OR3A2: variants seen among roughly 807,000 people sequenced by gnomAD.
OR3A2 encodes olfactory receptor family 3 subfamily A member 2, also known as olfactory receptor 3A2.
For synonymous variants in OR3A2, 126 were observed against 159.3 expected, an observed-to-expected ratio of 0.79 and a Z score of 1.57; for missense variants, 318 against 392.8, an observed-to-expected ratio of 0.81 and a Z score of 1.61.
intron 1 of OR3A2, among the ~76,000 whole-genome samples, chr17:3,280,333 G>C (rs1293923209): frequency 6.6e-6 from 1 of 151,012 alleles, no homozygotes; most frequent in Admixed American, 6.6e-5. Context: ...GTGCAGTGGC[G>C]CGATCTCGGC....
intron 2 of OR3A2, among the ~76,000 whole-genome samples, chr17:3,374,805 A>G (rs931809641): frequency 6.6e-6 from 1 of 152,174 alleles, no homozygotes; most frequent in African/African-American, 2.4e-5. Context: ...TGGTGCACTC[A>G]TCACTCAAAC....
At chr17:3,330,765 C>G (rs2049224962) in intron 3 of OR3A2, among the ~76,000 whole-genome samples, 2 of 151,264 alleles carry the variant, frequency 1.3e-5, no homozygotes, top group African/African-American at 2.4e-5. Context: ...ATGATGTTAG[C>G]TGGTGATTTT....
chr17:3,372,559 C>T (rs868554305), intron 2 of OR3A2, among the ~76,000 whole-genome samples: 2,085 of 152,100 alleles, frequency 0.014, 36 homozygotes, highest in African/African-American at 0.046. Flanking sequence ...AACGAGACTC[C>T]GTCTGCAATC....
chr17:3,285,098 C>T (rs1477354566), upstream of OR3A2, among the ~76,000 whole-genome samples: 1 of 151,984 alleles, frequency 6.6e-6, no homozygotes, highest in Non-Finnish European at 1.5e-5. Flanking sequence ...AGCAGGACTA[C>T]TGGGAAGGTG....
intron 3 of OR3A2, among the ~76,000 whole-genome samples, chr17:3,332,671 C>T (rs572588058): frequency 7.0e-4 from 107 of 152,358 alleles, no homozygotes; most frequent in African/African-American, 2.0e-3. Flanking sequence ...CTGCGTCGCT[C>T]ACGCTGGGAG....
chr17:3,332,416 T>A (rs439984), intron 3 of OR3A2, among the ~76,000 whole-genome samples: 1 of 152,016 alleles, frequency 6.6e-6, no homozygotes, highest in Non-Finnish European at 1.5e-5. Context: ...TCTCATGGTG[T>A]GCTGCAGTCC....
At chr17:3,361,503 G>C (rs1453496440) in intron 2 of OR3A2, among the ~76,000 whole-genome samples, 2 of 151,704 alleles carry the variant, frequency 1.3e-5, no homozygotes, top group Non-Finnish European at 2.9e-5. Context: ...AGTTTTCAAA[G>C]AGAATGCTTC....
intron 2 of OR3A2, among the ~76,000 whole-genome samples, chr17:3,372,856 AGAG>A (rs1567571717): frequency 7.6e-5 from 1 of 13,244 alleles, no homozygotes; most frequent in African/African-American, 4.6e-4. Context: ...AAGGAGAGGG[AGAG>A]GGAGAGGGAG....
chr17:3,313,147 C>T (rs804229), intron 3 of OR3A2, among the ~76,000 whole-genome samples: 55,576 of 152,058 alleles, frequency 0.37, 10,880 homozygotes, highest in South Asian at 0.5. Flanking sequence ...TAGTCAATTT[C>T]GTGCACTATC....
intron 2 of OR3A2, among the ~76,000 whole-genome samples, chr17:3,340,898 C>CT (rs2049311714): frequency 1.3e-5 from 2 of 152,192 alleles, no homozygotes; most frequent in African/African-American, 4.8e-5. Context: ...GTGTGGGAGT[C>CT]TAAGTCTCTT....
chr17:3,333,799 T>A (rs1331043862), intron 3 of OR3A2, among the ~76,000 whole-genome samples: 1 of 152,014 alleles, frequency 6.6e-6, no homozygotes, highest in South Asian at 2.1e-4. Flanking sequence ...AGATAAACTA[T>A]CATCAGAGTG....
chr17:3,311,719 G>T lies in OR3A2; in HGVS notation c.-85+24314C>A. The stretch of plus-strand genomic sequence containing the variant: ...GAGGAAGAAGGCTTTCTCCACATGT[G>T]GCTCCCACCTCACTGTGGTCTGAAT... On this transcript the variant is annotated intron_variant, in intron 3 of 4. Coordinates refer to the OR3A2 transcript ENST00000573491. The surrounding 1 kb of genome is among the most constrained non-coding windows in gnomAD (Gnocchi z 4.6). 1 of 233,556 alleles carries T rather than the reference G, an allele frequency of 4.3e-6. No homozygotes were observed. Among genetic ancestry groups the T allele is most frequent in the South Asian group, 7.3e-5 (1 of 13,664 alleles). The allele number at this position is 233,556 out of a possible 1,614,324, so 14.5% of individuals were successfully genotyped here.
upstream of OR3A2, among the ~76,000 whole-genome samples, chr17:3,285,541 C>T (rs1387581711): frequency 1.3e-5 from 2 of 152,178 alleles, no homozygotes; most frequent in African/African-American, 4.8e-5. Context: ...GTAATCTTAG[C>T]ACTCTGGGAG....
At chr17:3,303,180 G>A (rs2048977948) in intron 3 of OR3A2, among the ~76,000 whole-genome samples, 1 of 152,104 alleles carries the variant, frequency 6.6e-6, no homozygotes, top group African/African-American at 2.4e-5. Flanking sequence ...GTCAGTTTCA[G>A]GTAGATGTGA....
At chr17:3,319,532 C>A (rs558556861) in intron 3 of OR3A2, among the ~76,000 whole-genome samples, 2 of 152,166 alleles carry the variant, frequency 1.3e-5, no homozygotes, top group South Asian at 4.2e-4. Context: ...CCCCATCCCA[C>A]CACCCCACAA....
rs56912829 is a variant in OR3A2, at chr17:3,347,239, C to CT, written c.-178-11114dup. On this transcript the variant is annotated intron_variant, in intron 2 of 4. Transcript: ENST00000573491. ...TGTCTGTTTGCCATTTGTATGTCTT[C>CT]TTTTTTTTTTTATCATTATTATACT... 8.2e-4 allele frequency among the ~76,000 whole-genome samples: 124 copies of CT among 150,708 alleles called. 1 individual carries two copies. Among genetic ancestry groups the CT allele is most frequent in the African/African-American group, 1.1e-3 (47 of 41,254 alleles).
At chr17:3,305,679 GA>G (rs750144434) in intron 3 of OR3A2, among the ~76,000 whole-genome samples, 1 of 152,164 alleles carries the variant, frequency 6.6e-6, no homozygotes, top group African/African-American at 2.4e-5. Context: ...AAATTTTGAA[GA>G]ATAATATATT....
At chr17:3,375,325 G>C (rs537582575) in intron 2 of OR3A2, among the ~76,000 whole-genome samples, 25 of 112,718 alleles carry the variant, frequency 2.2e-4, no homozygotes, top group Admixed American at 2.3e-4. Flanking sequence ...TTCTTTTTGA[G>C]ACAGTCTCAC....
At chr17:3,371,868 G>T in intron 2 of OR3A2, among the ~76,000 whole-genome samples, 1 of 141,316 alleles carries the variant, frequency 7.1e-6, no homozygotes. Flanking sequence ...GGCTGGCCGG[G>T]AGGGGAGCTG....
Sources: allele counts gnomAD v4.1 joint callset (sites outside exome capture counted in the v4.1 genomes callset), GRCh38; gene constraint gnomAD v4.1.1; non-coding constraint Gnocchi (gnomAD v3.1); transcripts MANE v1.5; gene names NCBI Gene and HGNC (gene_info 2026-07-23, HGNC 2026-07-21).